The following SLC12A3 variants were observed in gnomAD, a reference collection of about 807,000 sequenced individuals.
The protein encoded by SLC12A3 is Na-Cl cotransporter.
SLC12A3 carries 104 observed loss-of-function variants against 121.0 expected under a neutral mutation model. The observed-to-expected ratio is 0.86, with a 90% CI of 0.73 to 1.01. The LOEUF is 1.01. Among genes scored for constraint, SLC12A3 ranks in the 50% least tolerant of loss-of-function variants. The pLI, the probability that SLC12A3 is intolerant of heterozygous loss-of-function variation, is 0.00. For missense variants in SLC12A3, 1,328 were observed against 1,356.3 expected, an observed-to-expected ratio of 0.98 and a Z score of 0.33; for synonymous variants, 536 against 533.4, an observed-to-expected ratio of 1.00 and a Z score of -0.07.
intron 25 of SLC12A3, chr16:56,906,873 A>G: frequency 5.0e-6 from 3 of 598,672 alleles, no homozygotes; most frequent in South Asian, 4.5e-5. Context: ...CAAGAACAGA[A>G]TGAAGGAAGT....
In SLC12A3 at chr16:56,878,078, A is replaced by T. The variant is rs768831056; in HGVS notation, c.1097A>T (p.Asp366Val). ...TCCCTCTCTCCCTCCCTCCTTCAGG[A>T]CCCTGCTATAGCCATCCCCAAGGGG... ...AGANISGDLK[D>V]PAIAIPKGTL... The change falls in exon 9 of 26, where the codon GAC (aspartate) becomes GTC (valine). Residue 366 changes from aspartate to valine, a missense_variant and splice_region_variant. Asp to Val is a radical substitution (Grantham distance 152). Transcript: ENST00000563236. 1 of 1,062,988 alleles carries T rather than the reference A, an allele frequency of 9.4e-7. No homozygotes were observed. The highest frequency in any genetic ancestry group is 1.2e-6 in the Non-Finnish European group (1 of 822,044). The allele number at this position is 1,062,988 out of a possible 1,614,324, so 65.8% of individuals were successfully genotyped here. A position where few individuals can be genotyped will look rare whatever the true frequency, so the allele number is the denominator to read the frequency against.
At chr16:56,878,244 G>A (rs2055192214) in intron 9 of SLC12A3, 83 bp downstream of exon 9, 1 of 1,066,010 alleles carries the variant, frequency 9.4e-7, no homozygotes, top group Non-Finnish European at 1.4e-6. Context: ...CCACTGGAGG[G>A]GATCAGAGGG....
intron 8 of SLC12A3, 28 bp from the exon 9 acceptor site, chr16:56,878,049 T>TCCCCCCCCCCCCCCCCCCCCCCCC: frequency 3.5e-6 from 1 of 288,262 alleles, no homozygotes; most frequent in Middle Eastern, 5.5e-4. Flanking sequence ...CCTCCCTCCC[T>TCCCCCCCCCCCCCCCCCCCCCCCC]CCCTCCCTCT....
At chr16:56,913,046 A>G (rs1200286201) in intron 25 of SLC12A3, among the ~76,000 whole-genome samples, 1 of 152,130 alleles carries the variant, frequency 6.6e-6, no homozygotes, top group Non-Finnish European at 1.5e-5. Flanking sequence ...TAGATCCCAT[A>G]GGGCTTGTGG....
chr16:56,902,531 G>GGGGGGGGGGGTGCC, intron 24 of SLC12A3, 23 bp downstream of exon 24: 1 of 714,566 alleles, frequency 1.4e-6, no homozygotes, highest in Non-Finnish European at 2.4e-6. Flanking sequence ...GTGGGGGTGG[G>GGGGGGGGGGGTGCC]AAACGCGACA....
At position 56,885,337 on chromosome 16, in the gene SLC12A3, A is replaced by T. The variant is rs1268422591; in HGVS notation, c.1898A>T (p.Glu633Val). ...CTCAGCTACTCGGTGGGCCTCAATG[A>T]GGTGGAAGACCACATCAAGAACTAC... is the stretch of plus-strand genomic sequence containing the variant. ...LALSYSVGLNEVEDHIKNYRP... is the reference protein window; with the variant it reads ...LALSYSVGLNVVEDHIKNYRP... The change falls in exon 15 of 26, where the codon GAG (glutamate) becomes GTG (valine). Residue 633 changes from glutamate to valine, a missense_variant. Physicochemically the swap from Glu to Val is moderately radical, Grantham distance 121. Coordinates refer to ENST00000563236, the MANE Select transcript of SLC12A3 (RefSeq NM_001126108.2). 6.4e-7 allele frequency: 1 copy of T among 1,554,900 alleles called. No homozygotes were observed. Among genetic ancestry groups the T allele is most frequent in the African/African-American group, 1.4e-5 (1 of 73,328 alleles).
At chr16:56,887,798 A>ATTTTT (rs1211988197) in intron 17 of SLC12A3, 127 bp from the exon 18 acceptor site, 29 of 68,498 alleles carry the variant, frequency 4.2e-4, no homozygotes, top group Non-Finnish European at 6.6e-4. Context: ...ATATATATAT[A>ATTTTT]TTTTTTTTTT....
At chr16:56,909,011 C>T (rs965851112) in intron 25 of SLC12A3, among the ~76,000 whole-genome samples, 6 of 152,150 alleles carry the variant, frequency 3.9e-5, no homozygotes, top group Non-Finnish European at 1.5e-5. Context: ...TGGGTAAGAC[C>T]CCATGTCTCT....
At chr16:56,896,404 T>C (rs2055462514) in intron 22 of SLC12A3, among the ~76,000 whole-genome samples, 1 of 152,060 alleles carries the variant, frequency 6.6e-6, no homozygotes, top group African/African-American at 2.4e-5. Context: ...CGACATGGGT[T>C]TTATTGGACA....
intron 11 of SLC12A3, among the ~76,000 whole-genome samples, chr16:56,879,912 C>T (rs545227487): frequency 3.3e-5 from 5 of 152,236 alleles, no homozygotes; most frequent in South Asian, 2.1e-4. Context: ...AAGCTCTACC[C>T]GAAGCCATCC....
At chr16:56,902,230 C>G in intron 23 of SLC12A3, 143 bp from the exon 24 acceptor site, 2 of 1,032,474 alleles carry the variant, frequency 1.9e-6, no homozygotes, top group South Asian at 2.8e-5. Flanking sequence ...AACATGGAAG[C>G]CACTTTGTAA....
Position 56,868,328 on chromosome 16 carries a change from T to C in SLC12A3, c.461T>C (p.Ile154Thr), listed in dbSNP as rs148074092. 1.9e-6 allele frequency: 3 copies of C among 1,614,024 alleles called. No homozygotes were observed. In the Middle Eastern group the frequency reaches 4.9e-4, roughly 266 times the overall value. Residue 154 changes from isoleucine (I) to threonine (T), a missense_variant, in exon 3 of 26, where the codon ATC (isoleucine) becomes ACC (threonine). By Grantham distance (89) the Ile-to-Thr change is moderately conservative. Coordinates refer to ENST00000563236, the MANE Select transcript of SLC12A3 (RefSeq NM_001126108.2). The part of the protein sequence containing the change: ...IRCMLNIWGV[I>T]LYLRLPWITA... ...TGCATGCTCAACATTTGGGGCGTGATCCTCTACCTGCGGCTGCCCTGGATT... is the reference window on the plus strand; with the variant it reads ...TGCATGCTCAACATTTGGGGCGTGACCCTCTACCTGCGGCTGCCCTGGATT...
At chr16:56,905,702 TC>T (rs1350216652) in intron 25 of SLC12A3, among the ~76,000 whole-genome samples, 4 of 152,188 alleles carry the variant, frequency 2.6e-5, no homozygotes, top group Admixed American at 6.5e-5. Context: ...TCTGTGGTCT[TC>T]CCTTTCAAAG....
At position 56,865,372 on chromosome 16, in the gene SLC12A3, C is replaced by T. The variant is rs1964327276; in HGVS notation, c.137C>T (p.Thr46Ile). 6.2e-7 allele frequency: 1 copy of T among 1,614,192 alleles called. No homozygotes were observed. The highest frequency in any genetic ancestry group is 8.5e-7 in the Non-Finnish European group (1 of 1,180,042). ...GACAGCAGCCACCCCAGCCACCTGA[C>T]CCACAGCAGCACCTTCTGCATGCGC... ...AYDSSHPSHLTHSSTFCMRTF... is the reference protein window; with the variant it reads ...AYDSSHPSHLIHSSTFCMRTF... Residue 46 changes from threonine (T) to isoleucine (I), a missense_variant, in exon 1 of 26, where the codon ACC becomes ATC. Coordinates refer to ENST00000563236, the MANE Select transcript of SLC12A3 (RefSeq NM_001126108.2).
chr16:56,881,560 C>T (rs187923175), intron 12 of SLC12A3, among the ~76,000 whole-genome samples: 14 of 151,994 alleles, frequency 9.2e-5, no homozygotes, highest in Admixed American at 3.9e-4. Flanking sequence ...TGGTGCACGT[C>T]GTGTTTTGGG....
intron 19 of SLC12A3, among the ~76,000 whole-genome samples, chr16:56,891,371 CAAAA>C (rs35706137): frequency 6.8e-5 from 5 of 73,870 alleles, no homozygotes; most frequent in South Asian, 5.6e-4. Flanking sequence ...GACCCTGTCT[CAAAA>C]AAAAAAAAAA....
At chr16:56,890,495 C>A in intron 19 of SLC12A3, 139 bp downstream of exon 19, 1 of 714,928 alleles carries the variant, frequency 1.4e-6, no homozygotes, top group Non-Finnish European at 2.5e-6. Context: ...TAGAGCCCAT[C>A]AGTTTTCCCA....
At chr16:56,900,517 A>ATTTT (rs2055523161) in intron 23 of SLC12A3, among the ~76,000 whole-genome samples, 3 of 82,618 alleles carry the variant, frequency 3.6e-5, no homozygotes, top group South Asian at 7.3e-4. Context: ...CTAGCATCTG[A>ATTTT]TTTTTATTTA....
chr16:56,880,302 C>T (rs561342232), intron 12 of SLC12A3, 49 bp downstream of exon 12: 60 of 1,546,600 alleles, frequency 3.9e-5, no homozygotes, highest in Middle Eastern at 1.8e-4. Context: ...TTCCCCTGGC[C>T]GGCCATGAGG....
Sources: gnomAD v4.1 joint callset for allele counts (sites outside exome capture counted in the v4.1 genomes callset) on GRCh38, gnomAD v4.1.1 for gene constraint, MANE v1.5 for transcripts, NCBI Gene and HGNC (gene_info 2026-07-23, HGNC 2026-07-21) for gene names.